The following CABCOCO1 variants were observed in gnomAD, a reference collection of about 807,000 sequenced individuals.
The protein encoded by CABCOCO1 is ciliary-associated calcium-binding coiled-coil protein 1.
In CABCOCO1, 28 loss-of-function variants were observed where a neutral mutation model predicts 35.7. The ratio of observed to expected loss-of-function variants is 0.78; its 90% CI spans 0.58 to 1.07. The LOEUF (loss-of-function observed/expected upper bound fraction) is 1.07. Among genes scored for constraint, CABCOCO1 ranks in the 50% least tolerant of loss-of-function variants. The probability of loss-of-function intolerance (pLI) is 0.00; values close to 1 mark genes in which losing one functional copy is unlikely to be tolerated. For synonymous variants in CABCOCO1, 95 were observed against 100.1 expected (o/e 0.95, Z 0.30); for missense variants, 326 against 309.2 (o/e 1.05, Z -0.41).
At chr10:61,725,302 A>T (rs574294011) in intron 5 of CABCOCO1, among the ~76,000 whole-genome samples, 1 of 152,318 alleles carries the variant, frequency 6.6e-6, no homozygotes, top group South Asian at 2.1e-4. Context: ...ATAAAGACAC[A>T]TGCACACATA....
At position 61,766,294 on chromosome 10, in the gene CABCOCO1, T is replaced by A. The variant is rs1842109268; in HGVS notation, c.*281T>A. ...AAAAATACAATTACTTTTATGATAGTCCTTTGACGTTTTGACTAATAAATC... is the reference window on the plus strand; with the variant it reads ...AAAAATACAATTACTTTTATGATAGACCTTTGACGTTTTGACTAATAAATC... On this transcript the variant is annotated 3_prime_UTR_variant, in exon 8 of 8. Transcript: ENST00000648843. The A allele has an allele frequency of 5.0e-6, 1 of 200,608 alleles. No individual in the cohort carries two copies. Among genetic ancestry groups the A allele is most frequent in the African/African-American group, 2.3e-5 (1 of 43,338 alleles). 12.4% of individuals were successfully genotyped at this position (200,608 alleles called of 1,614,324 possible). A position where few individuals can be genotyped will look rare whatever the true frequency, so the allele number is the denominator to read the frequency against.
At chr10:61,722,225 A>G (rs1210866098) in intron 5 of CABCOCO1, among the ~76,000 whole-genome samples, 1 of 152,210 alleles carries the variant, frequency 6.6e-6, no homozygotes, top group Non-Finnish European at 1.5e-5. Context: ...AAATTTTTAA[A>G]TGTAATATTT....
At position 61,760,878 on chromosome 10, in the gene CABCOCO1, C is replaced by A; in HGVS notation, c.691C>A (p.Gln231Lys). The A allele has an allele frequency of 1.2e-6, 2 of 1,612,052 alleles. No individual in the cohort carries two copies. Among genetic ancestry groups the A allele is most frequent in the South Asian group, 2.2e-5 (2 of 90,918 alleles). ...DTEMKRLDQEQGPEESQPETD... is the reference protein window; with the variant it reads ...DTEMKRLDQEKGPEESQPETD... ...AATATTCTAGAGGTTGGATCAAGAACAAGGCCCTGAGGAGTCTCAGCCAGA... is the reference window on the plus strand; with the variant it reads ...AATATTCTAGAGGTTGGATCAAGAAAAAGGCCCTGAGGAGTCTCAGCCAGA... Residue 231 changes from glutamine (Q) to lysine (K), a missense_variant, in exon 7 of 8, where the codon CAA becomes AAA. Gln to Lys is a moderately conservative substitution (Grantham distance 53, BLOSUM62 1). Coordinates refer to ENST00000648843, the MANE Select transcript of CABCOCO1 (RefSeq NM_001366906.2).
At chr10:61,762,377 C>T (rs142500638) in intron 7 of CABCOCO1, among the ~76,000 whole-genome samples, 2 of 152,146 alleles carry the variant, frequency 1.3e-5, no homozygotes, top group African/African-American at 4.8e-5. Flanking sequence ...TGTTATCTTC[C>T]CATTGGCCTG....
chr10:61,701,099 A>G (rs1840446459), intron 5 of CABCOCO1, among the ~76,000 whole-genome samples: 1 of 152,040 alleles, frequency 6.6e-6, no homozygotes. Flanking sequence ...GATCATCTTC[A>G]CTTTCTCTTT....
chr10:61,670,670 C>T (rs1178379946), intron 1 of CABCOCO1, among the ~76,000 whole-genome samples: 1 of 152,134 alleles, frequency 6.6e-6, no homozygotes, highest in African/African-American at 2.4e-5. Context: ...GCATGGAAGG[C>T]TCAATAACTA....
intron 1 of CABCOCO1, among the ~76,000 whole-genome samples, chr10:61,671,429 G>A (rs553336980): frequency 2.4e-4 from 36 of 152,156 alleles, no homozygotes; most frequent in Non-Finnish European, 4.7e-4. Flanking sequence ...CTATTCACAG[G>A]CAGTACACTT....
Position 61,678,897 on chromosome 10 carries a change from G to C in CABCOCO1, c.165-2246G>C, listed in dbSNP as rs1267599436. On this transcript the variant is annotated intron_variant, in intron 2 of 7. Transcript: ENST00000648843. ...TAGAATAATCAGAACTCACTTTTGG[G>C]TTTCAGGTCTACCCTGACACCACTG... 2.0e-5 allele frequency among the ~76,000 whole-genome samples: 3 copies of C among 152,080 alleles called. No individual in the cohort carries two copies. The South Asian group carries it at 6.2e-4, about 31-fold the overall frequency.
At chr10:61,691,267 T>C (rs1840131658) in intron 5 of CABCOCO1, among the ~76,000 whole-genome samples, 1 of 152,186 alleles carries the variant, frequency 6.6e-6, no homozygotes, top group Non-Finnish European at 1.5e-5. Context: ...AGTAATTTTC[T>C]TGAAGACAAG....
Position 61,672,608 on chromosome 10 carries a change from T to C in CABCOCO1, c.61-24T>C, listed in dbSNP as rs376056669. On this transcript the variant is annotated intron_variant, in intron 1 of 7. Coordinates refer to ENST00000648843, the MANE Select transcript of CABCOCO1 (RefSeq NM_001366906.2). ...ATATGAAACGTACAATTAAAGTAACTCACTCCACATTGTGTTTTGGTAGAG... is the reference window on the plus strand; with the variant it reads ...ATATGAAACGTACAATTAAAGTAACCCACTCCACATTGTGTTTTGGTAGAG... The C allele has an allele frequency of 2.5e-4, 154 of 627,876 alleles. 1 individual carries two copies. The South Asian group carries it at 9.6e-3, about 39-fold the overall frequency. The allele number at this position is 627,876 out of a possible 1,614,324, so 38.9% of individuals were successfully genotyped here. A position where few individuals can be genotyped will look rare whatever the true frequency, so the allele number is the denominator to read the frequency against.
chr10:61,680,626 TA>T (rs1399872481), intron 2 of CABCOCO1, among the ~76,000 whole-genome samples: 6 of 88,730 alleles, frequency 6.8e-5, no homozygotes, highest in South Asian at 4.1e-4. Context: ...ACATAACATA[TA>T]CATGTTATAC....
intron 5 of CABCOCO1, among the ~76,000 whole-genome samples, chr10:61,692,388 G>A (rs16916501): frequency 0.075 from 11,317 of 151,856 alleles, 454 homozygotes; most frequent in East Asian, 0.095. Flanking sequence ...TAGATTCCAG[G>A]AAATCATTTT....
intron 1 of CABCOCO1, among the ~76,000 whole-genome samples, chr10:61,666,660 T>G (rs918392157): frequency 1.3e-5 from 2 of 152,086 alleles, no homozygotes; most frequent in Non-Finnish European, 2.9e-5. Context: ...TTTAAAGTTT[T>G]ATTTTACTAT....
At chr10:61,668,588 A>G (rs1312273731) in intron 1 of CABCOCO1, among the ~76,000 whole-genome samples, 1 of 151,982 alleles carries the variant, frequency 6.6e-6, no homozygotes, top group African/African-American at 2.4e-5. Flanking sequence ...AAAATTTTCT[A>G]ATGTATTGCC....
At chr10:61,719,483 C>A (rs1484050185) in intron 5 of CABCOCO1, among the ~76,000 whole-genome samples, 1 of 151,996 alleles carries the variant, frequency 6.6e-6, no homozygotes, top group Non-Finnish European at 1.5e-5. Flanking sequence ...CCCACACCCT[C>A]CACACACACA....
At chr10:61,663,982 T>C (rs1043218069) in intron 1 of CABCOCO1, among the ~76,000 whole-genome samples, 4 of 152,150 alleles carry the variant, frequency 2.6e-5, no homozygotes, top group Admixed American at 1.3e-4. Flanking sequence ...AACGACATTC[T>C]TTGTGCAGAA....
intron 5 of CABCOCO1, among the ~76,000 whole-genome samples, chr10:61,719,021 T>G (rs1840935311): frequency 6.6e-6 from 1 of 152,200 alleles, no homozygotes; most frequent in South Asian, 2.1e-4. Flanking sequence ...CCTTGTTAAT[T>G]TTACAGAAAG....
intron 1 of CABCOCO1, among the ~76,000 whole-genome samples, chr10:61,668,280 C>A (rs1839251081): frequency 6.6e-6 from 1 of 151,816 alleles, no homozygotes; most frequent in African/African-American, 2.4e-5. Context: ...ATTTTTACAT[C>A]TGCATTGATT....
At chr10:61,741,876 C>A (rs1202410543) in intron 5 of CABCOCO1, among the ~76,000 whole-genome samples, 1 of 151,994 alleles carries the variant, frequency 6.6e-6, no homozygotes, top group African/African-American at 2.4e-5. Flanking sequence ...TCTGTATACC[C>A]ACATTTGTGA....
Sources: allele counts gnomAD v4.1 joint callset (sites outside exome capture counted in the v4.1 genomes callset), GRCh38; gene constraint gnomAD v4.1.1; transcripts MANE v1.5; gene names NCBI Gene and HGNC (gene_info 2026-07-23, HGNC 2026-07-21).